SLC8A1: variants seen among roughly 807,000 people sequenced by gnomAD.
SLC8A1 encodes sodium/calcium exchanger 1.
SLC8A1 carries 18 observed loss-of-function variants against 68.3 expected under a neutral mutation model. The ratio of observed to expected loss-of-function variants is 0.26; its 90% confidence interval spans 0.18 to 0.39. The LOEUF (loss-of-function observed/expected upper bound fraction) is 0.39, where lower values mean the gene tolerates loss of function less well. Ranked by LOEUF, SLC8A1 falls within the 10% of genes least tolerant of loss-of-function variation. The pLI is 1.00. For synonymous variants in SLC8A1, 475 were observed against 415.5 expected, an observed-to-expected ratio of 1.14 and a Z score of -1.74; for missense variants, 985 against 1,156.7, an observed-to-expected ratio of 0.85 and a Z score of 2.15.
chr2:40,172,461 A>G (rs1165690958), intron 4 of SLC8A1, among the ~76,000 whole-genome samples: 1 of 152,124 alleles, frequency 6.6e-6, no homozygotes, highest in Non-Finnish European at 1.5e-5. Flanking sequence ...GAAATGATAG[A>G]AACCTTTGTA....
chr2:40,376,565 G>A (rs111282761), intron 2 of SLC8A1, among the ~76,000 whole-genome samples: 2,317 of 149,246 alleles, frequency 0.016, 23 homozygotes, highest in Middle Eastern at 0.066. Context: ...TTCAAAAGTG[G>A]CGAAAGGAAA....
At chr2:40,141,696 C>T (rs912580680) in intron 6 of SLC8A1, among the ~76,000 whole-genome samples, 1 of 152,124 alleles carries the variant, frequency 6.6e-6, no homozygotes, top group African/African-American at 2.4e-5. Context: ...ACTGTGTCTC[C>T]CCAAAATTCA....
intron 6 of SLC8A1, among the ~76,000 whole-genome samples, chr2:40,150,875 G>A (rs2043291905): frequency 6.6e-6 from 1 of 152,048 alleles, no homozygotes; most frequent in South Asian, 2.1e-4. Flanking sequence ...GTAGCTACCT[G>A]ATTCAACATT....
chr2:40,405,321 G>T (rs1028807534), intron 2 of SLC8A1, among the ~76,000 whole-genome samples: 2 of 152,150 alleles, frequency 1.3e-5, no homozygotes, highest in Non-Finnish European at 2.9e-5. Context: ...ATTTCTGCAA[G>T]AAAAATTTAA....
chr2:40,367,451 T>TAC (rs1294387969), intron 2 of SLC8A1, among the ~76,000 whole-genome samples: 1 of 152,052 alleles, frequency 6.6e-6, no homozygotes, highest in Non-Finnish European at 1.5e-5. Context: ...CCGACTGAGT[T>TAC]ACCTATATTT....
At chr2:40,133,557 C>G (rs1280075460) in intron 7 of SLC8A1, among the ~76,000 whole-genome samples, 2 of 151,912 alleles carry the variant, frequency 1.3e-5, no homozygotes, top group Non-Finnish European at 2.9e-5. Context: ...AAAGGACAGC[C>G]TATCATACCC....
intron 2 of SLC8A1, among the ~76,000 whole-genome samples, chr2:40,399,032 G>A (rs983396647): frequency 5.3e-5 from 8 of 152,066 alleles, no homozygotes; most frequent in Non-Finnish European, 8.8e-5. Context: ...ACAGCCCAGG[G>A]ACCCAAATGA....
chr2:40,157,267 T>G (rs1332668640), intron 6 of SLC8A1, among the ~76,000 whole-genome samples: 1 of 152,206 alleles, frequency 6.6e-6, no homozygotes, highest in East Asian at 1.9e-4. Flanking sequence ...TTAATTCTTA[T>G]GGCAGCTCTA....
intron 2 of SLC8A1, among the ~76,000 whole-genome samples, chr2:40,201,119 A>G (rs1182957906): frequency 6.6e-6 from 1 of 151,816 alleles, no homozygotes; most frequent in Non-Finnish European, 1.5e-5. Context: ...CCTCAAAAAA[A>G]AAAGAAAAGA....
At chr2:40,393,930 C>G (rs1442402972) in intron 2 of SLC8A1, among the ~76,000 whole-genome samples, 2 of 152,056 alleles carry the variant, frequency 1.3e-5, no homozygotes, top group African/African-American at 4.8e-5. Context: ...CACCACAAGC[C>G]CTGAGAACAC....
intron 2 of SLC8A1, among the ~76,000 whole-genome samples, chr2:40,205,714 G>C (rs1399496926): frequency 6.6e-6 from 1 of 151,392 alleles, no homozygotes; most frequent in Non-Finnish European, 1.5e-5. Context: ...CTTAATAACT[G>C]GATGATGAGA....
At chr2:40,306,511 T>C (rs982359233) in intron 2 of SLC8A1, among the ~76,000 whole-genome samples, 1 of 152,018 alleles carries the variant, frequency 6.6e-6, no homozygotes, top group African/African-American at 2.4e-5. Flanking sequence ...ACTTGGTAAA[T>C]GTTATTATCC....
chr2:40,270,964 A>G (rs938965985), intron 2 of SLC8A1, among the ~76,000 whole-genome samples: 6 of 152,128 alleles, frequency 3.9e-5, no homozygotes, highest in Non-Finnish European at 7.4e-5. Flanking sequence ...CACTGCCACC[A>G]TCGTCATCCT....
chr2:40,176,667 C>T (rs1055557246), intron 3 of SLC8A1, among the ~76,000 whole-genome samples: 1 of 152,098 alleles, frequency 6.6e-6, no homozygotes, highest in Admixed American at 6.5e-5. Context: ...ATGGGATGAA[C>T]GTGGGATAAA....
intron 1 of SLC8A1, among the ~76,000 whole-genome samples, chr2:40,503,331 G>C (rs894982542): frequency 4.6e-5 from 7 of 151,990 alleles, no homozygotes; most frequent in Non-Finnish European, 5.9e-5. Flanking sequence ...GCAACGGCCT[G>C]TTTTTGCATA....
chr2:40,281,220 T>A (rs144687200), intron 2 of SLC8A1, among the ~76,000 whole-genome samples: 1 of 152,122 alleles, frequency 6.6e-6, no homozygotes, highest in East Asian at 1.9e-4. Context: ...AAGAATTTCA[T>A]TCCTGAGACA....
intron 1 of SLC8A1, among the ~76,000 whole-genome samples, chr2:40,446,886 TTCA>T (rs1701544942): frequency 6.6e-6 from 1 of 152,230 alleles, no homozygotes; most frequent in African/African-American, 2.4e-5. Context: ...CTAACTTTTC[TTCA>T]TCATCTGCAT....
chr2:40,241,787 C>T (rs2061256679), intron 2 of SLC8A1, among the ~76,000 whole-genome samples: 9 of 152,176 alleles, frequency 5.9e-5, no homozygotes, highest in Admixed American at 5.9e-4. Flanking sequence ...GTCATAGCCC[C>T]TAAGGACTAT....
intron 1 of SLC8A1, among the ~76,000 whole-genome samples, chr2:40,468,745 T>G (rs1703837838): frequency 6.6e-6 from 1 of 152,110 alleles, no homozygotes; most frequent in African/African-American, 2.4e-5. Context: ...TTGTTGCATC[T>G]AGGTCTCTTC....
Sources: allele counts gnomAD v4.1 joint callset (sites outside exome capture counted in the v4.1 genomes callset), GRCh38; gene constraint gnomAD v4.1.1; transcripts MANE v1.5; gene names NCBI Gene and HGNC (gene_info 2026-07-23, HGNC 2026-07-21).